ADAM32: variants seen among roughly 807,000 people sequenced by gnomAD.
ADAM32 encodes the protein ADAM metallopeptidase domain 32.
Under a neutral mutation model 114.9 loss-of-function variants are expected in ADAM32, and 89 were observed. That is an observed-to-expected ratio of 0.77 (90% CI 0.65 to 0.92). ADAM32 has a LOEUF of 0.92. Ranked by LOEUF, ADAM32 falls within the 40% of genes least tolerant of loss-of-function variation. The pLI is 0.00. For missense variants in ADAM32, 870 were observed against 932.8 expected, an observed-to-expected ratio of 0.93 and a Z score of 0.88; for synonymous variants, 285 against 307.5, an observed-to-expected ratio of 0.93 and a Z score of 0.77.
Position 39,107,843 on chromosome 8 carries a change from C to T in ADAM32, c.58+10C>T. ...CTGGCGTCAAGACCCGGTGAGCCAG[C>T]CCAGACCCTGACACTAGTCCGGGCG... is the stretch of plus-strand genomic sequence containing the variant. On this transcript the variant is annotated intron_variant, in intron 1 of 24. Transcript: ENST00000379907. The T allele has an allele frequency of 1.3e-6, 2 of 1,538,182 alleles. No individual in the cohort carries two copies. Among genetic ancestry groups the T allele is most frequent in the Non-Finnish European group, 8.8e-7 (1 of 1,141,134 alleles).
intron 11 of ADAM32, among the ~76,000 whole-genome samples, chr8:39,191,664 C>T (rs1399716022): frequency 6.6e-6 from 1 of 152,082 alleles, no homozygotes; most frequent in African/African-American, 2.4e-5. Flanking sequence ...TTATCAGATA[C>T]ATAGTTTGAA....
chr8:39,203,637 G>C (rs1032668732), intron 11 of ADAM32, among the ~76,000 whole-genome samples: 2 of 152,146 alleles, frequency 1.3e-5, no homozygotes, highest in Non-Finnish European at 2.9e-5. Context: ...TTACAATTAA[G>C]GTTAATATTG....
chr8:39,222,389 G>A (rs114851421), intron 13 of ADAM32, among the ~76,000 whole-genome samples: 2,603 of 152,086 alleles, frequency 0.017, 81 homozygotes, highest in African/African-American at 0.06. Context: ...TTATCTGATT[G>A]CATTCTTACT....
At chr8:39,212,022 A>T (rs1808255374) in intron 12 of ADAM32, among the ~76,000 whole-genome samples, 2 of 151,798 alleles carry the variant, frequency 1.3e-5, no homozygotes, top group Admixed American at 1.3e-4. Context: ...TATTTTAATT[A>T]ATTTATTTTT....
intron 16 of ADAM32, among the ~76,000 whole-genome samples, chr8:39,243,255 A>C (rs1203088666): frequency 6.6e-6 from 1 of 152,198 alleles, no homozygotes; most frequent in Non-Finnish European, 1.5e-5. Context: ...AAAGATAGAG[A>C]AAGAGGGAAT....
At chr8:39,241,557 C>T (rs1327904360) in intron 16 of ADAM32, among the ~76,000 whole-genome samples, 2 of 152,218 alleles carry the variant, frequency 1.3e-5, no homozygotes, top group East Asian at 3.9e-4. Context: ...CATCCACAGC[C>T]TCAACAACAC....
At chr8:39,255,431 T>A (rs1169895061) in intron 18 of ADAM32, among the ~76,000 whole-genome samples, 1 of 151,982 alleles carries the variant, frequency 6.6e-6, no homozygotes, top group Non-Finnish European at 1.5e-5. Context: ...CTTGCAGGAG[T>A]AAGGTGGTAT....
chr8:39,160,957 A>G lies in ADAM32; in HGVS notation c.586A>G (p.Lys196Glu). ...TCTAGAAATGCATATTGTGGTGGAC[A>G]AAACTTTGGTATGTGTTTTGCTTTT... The part of the protein sequence containing the change: ...LYLEMHIVVD[K>E]TLYDYWGSDS... Residue 196 changes from lysine to glutamate, a missense_variant, in exon 7 of 25, where the codon AAA becomes GAA. Physicochemically the swap from Lys to Glu is moderately conservative, Grantham distance 56 (BLOSUM62 1). Transcript: ENST00000379907. 6.3e-7 allele frequency: 1 copy of G among 1,592,066 alleles called. No individual in the cohort carries two copies. The highest frequency in any genetic ancestry group is 2.3e-5 in the East Asian group (1 of 44,320).
Position 39,154,033 on chromosome 8 carries a change from C to CATATATATATAT in ADAM32, c.525+2490_525+2501dup, listed in dbSNP as rs59934573. 4.6e-3 allele frequency among the ~76,000 whole-genome samples: 646 copies of CATATATATATAT among 139,416 alleles called. 6 individuals carry two copies. Among genetic ancestry groups the CATATATATATAT allele is most frequent in the East Asian group, 0.029 (140 of 4,778 alleles). The allele number at this position is 139,416 out of a possible 152,430, so 91.5% of individuals were successfully genotyped here. On this transcript the variant is annotated intron_variant, in intron 6 of 24. Coordinates refer to ENST00000379907, the MANE Select transcript of ADAM32 (RefSeq NM_145004.7). ...AGTAAAAGACAAACAGAAAGTTCCT[C>CATATATATATAT]ATATATATATATATATGTAATTATA...
intron 3 of ADAM32, among the ~76,000 whole-genome samples, chr8:39,140,559 A>G (rs548091896): frequency 6.6e-6 from 1 of 152,228 alleles, no homozygotes; most frequent in Admixed American, 6.5e-5. Flanking sequence ...GTTTGCCAGT[A>G]TTTTATTGAG....
At chr8:39,199,005 G>A (rs1430067625) in intron 11 of ADAM32, among the ~76,000 whole-genome samples, 1 of 152,090 alleles carries the variant, frequency 6.6e-6, no homozygotes, top group African/African-American at 2.4e-5. Context: ...GCTGATAGTT[G>A]TTTTCTTGCA....
intron 6 of ADAM32, chr8:39,157,558 C>G: frequency 3.9e-6 from 2 of 513,618 alleles, no homozygotes; most frequent in African/African-American, 1.9e-5. Context: ...TCTTCCTTTG[C>G]AATCTGGTCT....
intron 12 of ADAM32, among the ~76,000 whole-genome samples, chr8:39,218,270 C>A (rs1162084697): frequency 6.6e-6 from 1 of 152,178 alleles, no homozygotes; most frequent in Non-Finnish European, 1.5e-5. Context: ...GTTGGAGAGA[C>A]ACATTCCTGT....
chr8:39,179,544 ACT>A (rs1805722737), intron 10 of ADAM32, among the ~76,000 whole-genome samples: 1 of 151,754 alleles, frequency 6.6e-6, no homozygotes, highest in East Asian at 1.9e-4. Flanking sequence ...GAGGCTCCAC[ACT>A]CTCTGTGCTT....
At chr8:39,191,052 G>C (rs926501165) in intron 11 of ADAM32, among the ~76,000 whole-genome samples, 20 of 151,496 alleles carry the variant, frequency 1.3e-4, no homozygotes, top group Non-Finnish European at 2.2e-4. Flanking sequence ...ATGGCCTCCA[G>C]CTCCATCCAT....
intron 24 of ADAM32, among the ~76,000 whole-genome samples, chr8:39,284,146 T>A (rs190171478): frequency 6.8e-6 from 1 of 147,700 alleles, no homozygotes; most frequent in African/African-American, 2.7e-5. Flanking sequence ...ACTTAGTCTG[T>A]TTTTTTTCAG....
At chr8:39,161,022 C>T (rs1380748365) in intron 7 of ADAM32, 57 bp downstream of exon 7, 3 of 1,383,540 alleles carry the variant, frequency 2.2e-6, no homozygotes, top group African/African-American at 2.9e-5. Flanking sequence ...TATGATTATG[C>T]CTAGCTAGCT....
At chr8:39,169,862 T>A in intron 9 of ADAM32, 54 bp from the exon 10 acceptor site, 1 of 1,337,214 alleles carries the variant, frequency 7.5e-7, no homozygotes, top group Non-Finnish European at 1.0e-6. Context: ...GCAGGAATTC[T>A]CATTTTTAAA....
intron 3 of ADAM32, among the ~76,000 whole-genome samples, chr8:39,144,523 C>G (rs946068030): frequency 1.3e-5 from 2 of 152,196 alleles, no homozygotes; most frequent in Admixed American, 6.5e-5. Flanking sequence ...GTATGAAGTG[C>G]TTGTGGGATA....
Sources: gnomAD v4.1 joint callset for allele counts (sites outside exome capture counted in the v4.1 genomes callset) on GRCh38, gnomAD v4.1.1 for gene constraint, MANE v1.5 for transcripts, NCBI Gene and HGNC (gene_info 2026-07-23, HGNC 2026-07-21) for gene names.